Variants in SMURF1 observed in about 807,000 individuals in gnomAD.
SMURF1 encodes the protein SMAD specific E3 ubiquitin protein ligase 1.
A neutral mutation model predicts 98.0 loss-of-function variants in SMURF1; 44 were observed. That is an observed-to-expected ratio of 0.45 (90% CI 0.35 to 0.58). The LOEUF is 0.58. SMURF1 is among the 20% of genes least tolerant of loss of function. The probability of loss-of-function intolerance (pLI) is 0.00; values close to 1 mark genes in which losing one functional copy is unlikely to be tolerated. For synonymous variants in SMURF1, 396 were observed against 374.9 expected, an observed-to-expected ratio of 1.06 and a Z score of -0.65; for missense variants, 687 against 938.4, an observed-to-expected ratio of 0.73 and a Z score of 3.50.
intron 1 of SMURF1, 139 bp downstream of exon 1, chr7:99,143,587 G>C: frequency 1.6e-6 from 1 of 636,154 alleles, no homozygotes; most frequent in African/African-American, 2.0e-5. Context: ...GAGAAGCGAG[G>C]GGCGCACGCC....
At chr7:99,045,439 A>G in intron 11 of SMURF1, 3 of 474,856 alleles carry the variant, frequency 6.3e-6, no homozygotes, top group Non-Finnish European at 1.1e-5. Context: ...GTTTAATTCT[A>G]GCTTTACAAG....
chr7:99,105,733 A>G (rs1408283524), intron 1 of SMURF1, among the ~76,000 whole-genome samples: 1 of 152,162 alleles, frequency 6.6e-6, no homozygotes, highest in Non-Finnish European at 1.5e-5. Context: ...CTACTCATAT[A>G]TTAAATTTTG....
intron 1 of SMURF1, among the ~76,000 whole-genome samples, chr7:99,129,125 A>G (rs2033532300): frequency 6.6e-6 from 1 of 152,198 alleles, no homozygotes; most frequent in South Asian, 2.1e-4. Flanking sequence ...CTAAAACCAT[A>G]TATCATTGAT....
At chr7:99,062,791 T>G (rs1308840536) in intron 1 of SMURF1, among the ~76,000 whole-genome samples, 1 of 152,148 alleles carries the variant, frequency 6.6e-6, no homozygotes. Context: ...GAGGTTGCAG[T>G]GAGCCAAGAT....
intron 1 of SMURF1, among the ~76,000 whole-genome samples, chr7:99,104,814 A>G (rs909973575): frequency 6.6e-6 from 1 of 152,224 alleles, no homozygotes; most frequent in Non-Finnish European, 1.5e-5. Flanking sequence ...CCCACATTAC[A>G]GTGGCAATGA....
chr7:99,082,232 TTTTC>T (rs1380125189), intron 1 of SMURF1, among the ~76,000 whole-genome samples: 3 of 152,340 alleles, frequency 2.0e-5, no homozygotes, highest in Admixed American at 6.5e-5. Context: ...ATGCTGTGAG[TTTTC>T]TTTTTCTTCA....
intron 13 of SMURF1, among the ~76,000 whole-genome samples, chr7:99,039,776 A>G (rs543022627): frequency 6.6e-6 from 1 of 152,056 alleles, no homozygotes; most frequent in African/African-American, 2.4e-5. Flanking sequence ...CATTCCCTCC[A>G]TCTGTCAGAG....
At chr7:99,042,287 T>C (rs1010196175) in intron 11 of SMURF1, 55 bp from the exon 12 acceptor site, 76 of 1,328,406 alleles carry the variant, frequency 5.7e-5, no homozygotes, top group South Asian at 2.5e-5. Context: ...CTACATTTTT[T>C]TTTTTTCCCT....
chr7:99,143,578 A>C, intron 1 of SMURF1, 148 bp downstream of exon 1: 1 of 565,818 alleles, frequency 1.8e-6, no homozygotes, highest in East Asian at 3.9e-5. Context: ...GCCAGGAGGG[A>C]GAAGCGAGGG....
At chr7:99,032,971 A>T (rs1794969919) in intron 17 of SMURF1, 66 bp downstream of exon 17, 4 of 1,535,986 alleles carry the variant, frequency 2.6e-6, no homozygotes, top group Non-Finnish European at 3.5e-6. Context: ...CAACAAAAAA[A>T]AAACGTGAAC....
At chr7:99,055,736 G>A (rs4527814) in intron 5 of SMURF1, among the ~76,000 whole-genome samples, 15,127 of 152,098 alleles carry the variant, frequency 0.099, 835 homozygotes, top group East Asian at 0.21. Flanking sequence ...AGGCTAAGGC[G>A]GGCGGATCAC....
chr7:99,090,974 A>C (rs1472655467), intron 1 of SMURF1, among the ~76,000 whole-genome samples: 2 of 152,190 alleles, frequency 1.3e-5, no homozygotes, highest in African/African-American at 4.8e-5. Context: ...TTGTAAATAA[A>C]GTTTTATTGG....
chr7:99,058,276 C>T (rs1186911247), intron 3 of SMURF1, among the ~76,000 whole-genome samples: 1 of 151,936 alleles, frequency 6.6e-6, no homozygotes, highest in African/African-American at 2.4e-5. Context: ...ATTACAGGCA[C>T]CTGCCACCAC....
intron 1 of SMURF1, among the ~76,000 whole-genome samples, chr7:99,110,439 A>C (rs1797292745): frequency 6.6e-6 from 1 of 152,226 alleles, no homozygotes; most frequent in African/African-American, 2.4e-5. Flanking sequence ...AGGGAACTAG[A>C]TATCAAGAGC....
chr7:99,124,103 G>C (rs1797698701), intron 1 of SMURF1, among the ~76,000 whole-genome samples: 1 of 152,238 alleles, frequency 6.6e-6, no homozygotes, highest in African/African-American at 2.4e-5. Flanking sequence ...CCTATCTTGT[G>C]AGTTTATCAA....
chr7:99,043,718 G>A (rs1563001934), intron 11 of SMURF1, among the ~76,000 whole-genome samples: 2 of 152,172 alleles, frequency 1.3e-5, no homozygotes, highest in African/African-American at 4.8e-5. Flanking sequence ...GCTGTTCTAG[G>A]AACCGGGGAT....
intron 1 of SMURF1, among the ~76,000 whole-genome samples, chr7:99,119,750 G>A (rs1451087447): frequency 5.3e-5 from 8 of 152,096 alleles, no homozygotes; most frequent in African/African-American, 1.7e-4. Flanking sequence ...CAGGTAAGGG[G>A]GTTCTCTATA....
chr7:99,069,129 A>C (rs2150553716), intron 1 of SMURF1, among the ~76,000 whole-genome samples: 1 of 152,350 alleles, frequency 6.6e-6, no homozygotes, highest in South Asian at 2.1e-4. Flanking sequence ...AAACGGTGAC[A>C]GAGCAGTGAC....
intron 1 of SMURF1, among the ~76,000 whole-genome samples, chr7:99,138,424 A>G (rs762678680): frequency 6.6e-6 from 1 of 152,210 alleles, no homozygotes; most frequent in Non-Finnish European, 1.5e-5. Context: ...TTCTTAATCC[A>G]TGAGGAAATA....
Sources: gnomAD v4.1 joint callset for allele counts (sites outside exome capture counted in the v4.1 genomes callset) on GRCh38, gnomAD v4.1.1 for gene constraint, MANE v1.5 for transcripts, NCBI Gene and HGNC (gene_info 2026-07-23, HGNC 2026-07-21) for gene names.